The following TRIM55 variants were observed in gnomAD, a reference collection of about 807,000 sequenced individuals.
The protein encoded by TRIM55 is tripartite motif containing 55.
A neutral mutation model predicts 60.9 loss-of-function variants in TRIM55; 50 were observed. That is an observed-to-expected ratio of 0.82 (90% CI 0.65 to 1.04). TRIM55 has a LOEUF of 1.04. Ranked by LOEUF, TRIM55 falls within the 50% of genes least tolerant of loss-of-function variation. The pLI is 0.00. For synonymous variants in TRIM55, 237 were observed against 238.1 expected, an observed-to-expected ratio of 1.00 and a Z score of 0.04; for missense variants, 681 against 666.9, an observed-to-expected ratio of 1.02 and a Z score of -0.23.
At chr8:66,152,310 G>A (rs768523725) in intron 7 of TRIM55, 67 bp from the exon 8 acceptor site, 19 of 1,514,230 alleles carry the variant, frequency 1.3e-5, no homozygotes, top group Non-Finnish European at 1.7e-5. Context: ...TATAAGCACT[G>A]GCCATTAACT....
upstream of TRIM55, among the ~76,000 whole-genome samples, chr8:66,123,067 C>T (rs7834423): frequency 0.26 from 39,783 of 152,096 alleles, 8,784 homozygotes; most frequent in African/African-American, 0.6. Context: ...AGCCTGCTAC[C>T]CGGAAGCTTC....
intron 2 of TRIM55, 140 bp from the exon 3 acceptor site, chr8:66,134,850 C>T: frequency 1.2e-6 from 1 of 855,180 alleles, no homozygotes; most frequent in African/African-American, 1.7e-5. Flanking sequence ...TGTGAAAGGG[C>T]CCCTGGGGGT....
chr8:66,113,908 A>G, the TRIM55 span, among the ~76,000 whole-genome samples: 1 of 151,672 alleles, frequency 6.6e-6, no homozygotes. Context: ...GAAAGAGAGA[A>G]CACAATACTA....
At chr8:66,166,247 G>T (rs1207937845) in intron 9 of TRIM55, among the ~76,000 whole-genome samples, 3 of 152,302 alleles carry the variant, frequency 2.0e-5, no homozygotes, top group Non-Finnish European at 4.4e-5. Flanking sequence ...AATGTAAATT[G>T]TGTGTGAGTA....
intron 4 of TRIM55, among the ~76,000 whole-genome samples, chr8:66,138,295 T>C (rs1809601228): frequency 6.6e-6 from 1 of 152,240 alleles, no homozygotes; most frequent in Admixed American, 6.5e-5. Flanking sequence ...ATACGTATTG[T>C]GTTATATACA....
chr8:66,132,529 C>T (rs1809222445), intron 2 of TRIM55, among the ~76,000 whole-genome samples: 1 of 152,190 alleles, frequency 6.6e-6, no homozygotes, highest in Non-Finnish European at 1.5e-5. Context: ...CCTCAGGAAA[C>T]TCTAGGGTGG....
the TRIM55 span, among the ~76,000 whole-genome samples, chr8:66,114,093 C>CCA: frequency 7.3e-6 from 1 of 136,414 alleles, no homozygotes; most frequent in African/African-American, 2.8e-5. Context: ...CCCCCCCCCC[C>CCA]ATTATTTTGT....
Position 66,154,205 on chromosome 8 carries a change from T to C in TRIM55, c.1395T>C (p.Gly465=). 6.2e-7 allele frequency: 1 copy of C among 1,613,994 alleles called. No individual in the cohort carries two copies. Residue 465 remains glycine (G), a synonymous_variant, in exon 9 of 10, where the codon GGT becomes GGC. Transcript: ENST00000315962. ...TNPPCTPGSE[G]LGQIGPPGSE... is the part of the protein sequence containing the mutation. ...CACCTTGCACCCCAGGGAGCGAAGG[T>C]CTGGGGCAAATAGGGCCTCCAGGTT... is the stretch of plus-strand genomic sequence containing the variant.
intron 4 of TRIM55, among the ~76,000 whole-genome samples, chr8:66,137,655 G>A (rs999457878): frequency 6.6e-6 from 1 of 151,626 alleles, no homozygotes; most frequent in Non-Finnish European, 1.5e-5. Flanking sequence ...GCTGTAGTTA[G>A]AGAATGGCTC....
At chr8:66,171,633 A>C (rs1279186433) in intron 9 of TRIM55, among the ~76,000 whole-genome samples, 2 of 152,244 alleles carry the variant, frequency 1.3e-5, no homozygotes, top group East Asian at 3.8e-4. Context: ...GCTTCATAGA[A>C]CATCACTATT....
intron 4 of TRIM55, among the ~76,000 whole-genome samples, chr8:66,143,925 A>G (rs1809964771): frequency 1.3e-5 from 2 of 152,208 alleles, no homozygotes; most frequent in African/African-American, 4.8e-5. Flanking sequence ...AAGTGAACCA[A>G]TAAAAATCTA....
chr8:66,145,084 T>C (rs993789096), intron 4 of TRIM55, among the ~76,000 whole-genome samples: 10 of 152,204 alleles, frequency 6.6e-5, no homozygotes, highest in African/African-American at 2.4e-4. Context: ...GGCAAATTGA[T>C]AACCTGAGGT....
At chr8:66,153,982 C>T in intron 8 of TRIM55, 65 bp from the exon 9 acceptor site, 2 of 1,495,390 alleles carry the variant, frequency 1.3e-6, no homozygotes, top group Non-Finnish European at 1.8e-6. Context: ...CTAAAATCAA[C>T]TGCTTTTTCT....
intron 4 of TRIM55, among the ~76,000 whole-genome samples, chr8:66,145,559 G>C (rs1480133301): frequency 6.6e-6 from 1 of 152,158 alleles, no homozygotes; most frequent in African/African-American, 2.4e-5. Context: ...AAAGTCAGTG[G>C]TTGGTGAATT....
chr8:66,136,405 T>C (rs184040231), intron 3 of TRIM55, among the ~76,000 whole-genome samples: 6 of 152,288 alleles, frequency 3.9e-5, no homozygotes, highest in Admixed American at 3.9e-4. Flanking sequence ...TGTGAGAAAA[T>C]TAGGGTCAAA....
At chr8:66,117,447 A>T in the TRIM55 span, among the ~76,000 whole-genome samples, 1 of 152,176 alleles carries the variant, frequency 6.6e-6, no homozygotes, top group African/African-American at 2.4e-5. Flanking sequence ...TTATTTTTAG[A>T]TTTTTTAAAT....
intron 3 of TRIM55, among the ~76,000 whole-genome samples, chr8:66,136,313 A>G (rs1274102179): frequency 6.6e-6 from 1 of 152,288 alleles, no homozygotes; most frequent in Non-Finnish European, 1.5e-5. Context: ...CTTCACCTCC[A>G]TATTAGCTTT....
chr8:66,164,295 C>G (rs1379595730), intron 9 of TRIM55, among the ~76,000 whole-genome samples: 1 of 152,198 alleles, frequency 6.6e-6, no homozygotes, highest in African/African-American at 2.4e-5. Flanking sequence ...GGTTGAGGTG[C>G]CTGATACCTT....
rs779509392 is a variant in TRIM55 at position 66,150,482 on chromosome 8, G to C, written c.985+16G>C. On this transcript the variant is annotated intron_variant, in intron 7 of 9. Transcript: ENST00000315962. ...TTTTACAGAGGTTTGTTATTCTTTT[G>C]ACCATTTGGCCGAAGTTGCAGGTGT... The C allele has an allele frequency of 1.9e-6, 3 of 1,613,382 alleles. No homozygotes were observed. Among genetic ancestry groups the C allele is most frequent in the Non-Finnish European group, 2.5e-6 (3 of 1,179,688 alleles).
Sources: allele counts gnomAD v4.1 joint callset (sites outside exome capture counted in the v4.1 genomes callset), GRCh38; gene constraint gnomAD v4.1.1; transcripts MANE v1.5; gene names NCBI Gene and HGNC (gene_info 2026-07-23, HGNC 2026-07-21).